CBFA2T3: variants seen among roughly 807,000 people sequenced by gnomAD.
The protein encoded by CBFA2T3 is CBFA2/RUNX1 partner transcriptional co-repressor 3.
Under a neutral mutation model 58.6 loss-of-function variants are expected in CBFA2T3, and 31 were observed. The ratio of observed to expected loss-of-function variants is 0.53; its 90% CI spans 0.40 to 0.71. The LOEUF (loss-of-function observed/expected upper bound fraction) is 0.71. CBFA2T3 is among the 30% of genes least tolerant of loss of function. CBFA2T3 has a pLI of 0.00. For missense variants in CBFA2T3, 1,076 were observed against 963.1 expected (o/e 1.12, Z -1.55); for synonymous variants, 531 against 421.9 (o/e 1.26, Z -3.17).
At chr16:88,897,276 G>T (rs1969923445) in intron 3 of CBFA2T3, among the ~76,000 whole-genome samples, 1 of 152,254 alleles carries the variant, frequency 6.6e-6, no homozygotes, top group Non-Finnish European at 1.5e-5. Flanking sequence ...GAAAAGGACA[G>T]CCCTGTGCAA....
Position 88,923,322 on chromosome 16 carries a change from C to G in CBFA2T3, c.152-21666G>C, listed in dbSNP as rs141368139. ...GAGGTGAGGATTCGGCGCTTCTGCC[C>G]ACTGCCCCCTGCCTGCCTCCTTTTC... is the stretch of plus-strand genomic sequence containing the variant. On this transcript the variant is annotated intron_variant, in intron 1 of 11. Coordinates refer to ENST00000268679, the MANE Select transcript of CBFA2T3 (RefSeq NM_005187.6). 4.4e-3 allele frequency among the ~76,000 whole-genome samples: 666 copies of G among 152,340 alleles called. 12 individuals carry two copies. The highest frequency in any genetic ancestry group is 8.3e-3 in the East Asian group (43 of 5,176).
intron 1 of CBFA2T3, chr16:88,937,536 G>A (rs149200085): frequency 6.6e-6 from 1 of 152,526 alleles, no homozygotes; most frequent in African/African-American, 2.4e-5. Flanking sequence ...GGAAGTTCCA[G>A]GGGCCTGACC....
intron 1 of CBFA2T3, among the ~76,000 whole-genome samples, chr16:88,965,203 C>CT (rs2142871956): frequency 6.8e-6 from 1 of 146,468 alleles, no homozygotes; most frequent in Non-Finnish European, 1.5e-5. Context: ...TAATAACATG[C>CT]TTATTTGAAT....
At chr16:88,965,749 G>A (rs890902381) in intron 1 of CBFA2T3, among the ~76,000 whole-genome samples, 1 of 152,206 alleles carries the variant, frequency 6.6e-6, no homozygotes, top group African/African-American at 2.4e-5. Flanking sequence ...TGCCAAAAAC[G>A]AAGCAGCATA....
At chr16:88,904,617 G>A (rs1267137698) in intron 1 of CBFA2T3, among the ~76,000 whole-genome samples, 4 of 152,242 alleles carry the variant, frequency 2.6e-5, no homozygotes, top group South Asian at 2.1e-4. Context: ...CCGTGCCTGA[G>A]GAACACCCTG....
At chr16:88,923,578 C>A (rs1387614815) in intron 1 of CBFA2T3, among the ~76,000 whole-genome samples, 2 of 152,178 alleles carry the variant, frequency 1.3e-5, no homozygotes, top group African/African-American at 4.8e-5. Flanking sequence ...CGTGAGGGGG[C>A]AGCTGGGGAG....
chr16:88,892,984 T>C (rs2142588863), intron 3 of CBFA2T3, among the ~76,000 whole-genome samples: 1 of 152,230 alleles, frequency 6.6e-6, no homozygotes, highest in Middle Eastern at 3.4e-3. Context: ...TGGCTCAGGT[T>C]TTCACTGTGA....
At chr16:88,922,592 G>A (rs377670978) in intron 1 of CBFA2T3, among the ~76,000 whole-genome samples, 31 of 152,328 alleles carry the variant, frequency 2.0e-4, no homozygotes, top group African/African-American at 7.2e-4. Flanking sequence ...CCCACGCCAG[G>A]GCTATGCTTG....
intron 1 of CBFA2T3, among the ~76,000 whole-genome samples, chr16:88,903,537 C>T (rs1166976332): frequency 4.6e-5 from 7 of 152,158 alleles, no homozygotes; most frequent in Non-Finnish European, 8.8e-5. Flanking sequence ...GCTGGGCACA[C>T]GTGTGGCCAC....
rs557019316 is a variant in CBFA2T3, at chr16:88,954,312, G to A, written c.151+22345C>T. On this transcript the variant is annotated intron_variant, in intron 1 of 11. Coordinates refer to ENST00000268679, the MANE Select transcript of CBFA2T3 (RefSeq NM_005187.6). Reference sequence around the variant, plus strand: ...CCCAAGTCTCCTGACCCACCCAAGGGTCCTGACCCCACCCAAGGCTCCTGA... The same window carrying A: ...CCCAAGTCTCCTGACCCACCCAAGGATCCTGACCCCACCCAAGGCTCCTGA... 3.3e-3 allele frequency among the ~76,000 whole-genome samples: 493 copies of A among 147,876 alleles called. 1 individual carries two copies. Among genetic ancestry groups the A allele is most frequent in the Middle Eastern group, 0.011 (3 of 282 alleles).
chr16:88,883,208 G>A (rs1037083125), intron 7 of CBFA2T3: 1 of 228,672 alleles, frequency 4.4e-6, no homozygotes, highest in Non-Finnish European at 8.9e-6. Flanking sequence ...GTCACACCAT[G>A]ACCTGGACCT....
At chr16:88,886,203 C>G (rs778723014) in intron 5 of CBFA2T3, 61 bp from the exon 6 acceptor site, 2 of 1,275,622 alleles carry the variant, frequency 1.6e-6, no homozygotes, top group Middle Eastern at 2.8e-4. Flanking sequence ...TGCTCAGGTC[C>G]GAGCAGAGGG....
chr16:88,934,334 C>T (rs1369264701), intron 1 of CBFA2T3, among the ~76,000 whole-genome samples: 2 of 152,254 alleles, frequency 1.3e-5, no homozygotes, highest in Admixed American at 6.5e-5. Context: ...GCTCCATGCA[C>T]GTTCCCGAAC....
chr16:88,901,376 C>A (rs574710826), intron 2 of CBFA2T3, 128 bp downstream of exon 2: 21 of 530,630 alleles, frequency 4.0e-5, no homozygotes, highest in Non-Finnish European at 6.8e-5. Flanking sequence ...CTGGGCCACA[C>A]GAGCTCCTCA....
chr16:88,900,563 C>T (rs1970056795), intron 2 of CBFA2T3, among the ~76,000 whole-genome samples: 1 of 152,184 alleles, frequency 6.6e-6, no homozygotes, highest in South Asian at 2.1e-4. Context: ...ACGGAAGTCT[C>T]AGGCTCCCCG....
In CBFA2T3 at chr16:88,881,442, G is replaced by A. The variant is rs1284611683; in HGVS notation, c.1251C>T (p.Leu417=). 1.2e-6 allele frequency: 2 copies of A among 1,609,862 alleles called. No individual in the cohort carries two copies. Among genetic ancestry groups the A allele is most frequent in the Non-Finnish European group, 1.7e-6 (2 of 1,178,570 alleles). Residue 417 remains leucine (L), a synonymous_variant, in exon 9 of 12, where the codon CTC becomes CTT. Coordinates refer to ENST00000268679, the MANE Select transcript of CBFA2T3 (RefSeq NM_005187.6). The part of the protein sequence containing the change: ...MDMVEKTRRS[L]TVLRRCQEAD... ...CCTCCTGGCACCTGCGCAGCACCGT[G>A]AGCGAGCGCCGCGTCTTCTCCACCA...
intron 1 of CBFA2T3, among the ~76,000 whole-genome samples, chr16:88,908,046 A>T (rs1446835355): frequency 6.6e-6 from 1 of 152,180 alleles, no homozygotes; most frequent in East Asian, 1.9e-4. Flanking sequence ...ACTCATCAAG[A>T]AAGTTCCCAG....
intron 1 of CBFA2T3, among the ~76,000 whole-genome samples, chr16:88,928,954 G>T (rs760107107): frequency 6.6e-6 from 1 of 152,198 alleles, no homozygotes; most frequent in Admixed American, 6.5e-5. Flanking sequence ...GCAGCAAGGC[G>T]GAGCAGAGTG....
intron 5 of CBFA2T3, among the ~76,000 whole-genome samples, chr16:88,889,785 C>A (rs1235465205): frequency 4.1e-5 from 6 of 144,684 alleles, no homozygotes; most frequent in African/African-American, 1.6e-4. Context: ...AGGGACGACG[C>A]CACGCGATTC....
Sources: gnomAD v4.1 joint callset for allele counts (sites outside exome capture counted in the v4.1 genomes callset) on GRCh38, gnomAD v4.1.1 for gene constraint, MANE v1.5 for transcripts, NCBI Gene and HGNC (gene_info 2026-07-23, HGNC 2026-07-21) for gene names.